KLRG1: variants seen among roughly 807,000 people sequenced by gnomAD.
KLRG1 encodes the protein killer cell lectin-like receptor subfamily G member 1.
Under a neutral mutation model 21.8 loss-of-function variants are expected in KLRG1, and 16 were observed. That is an observed-to-expected ratio of 0.73 (90% confidence interval 0.50 to 1.11). KLRG1 has a LOEUF of 1.11. KLRG1 is among the 50% of genes most tolerant of loss of function. KLRG1 has a pLI of 0.00. For missense variants in KLRG1, 173 were observed against 218.3 expected (o/e 0.79, Z 1.31); for synonymous variants, 69 against 75.9 (o/e 0.91, Z 0.47).
At chr12:9,163,658 A>T in the KLRG1 span, 2 of 1,612,334 alleles carry the variant, frequency 1.2e-6, no homozygotes, top group Non-Finnish European at 1.7e-6. Context: ...GACTCCCAAA[A>T]ATATGTTACC....
chr12:9,115,744 GCT>G, the KLRG1 span: 2 of 1,588,512 alleles, frequency 1.3e-6, no homozygotes, highest in Non-Finnish European at 1.7e-6. Flanking sequence ...CATGCTTCAC[GCT>G]CTCTGTGTGG....
the KLRG1 span, among the ~76,000 whole-genome samples, chr12:9,170,390 G>C: frequency 6.6e-6 from 1 of 152,186 alleles, no homozygotes; most frequent in African/African-American, 2.4e-5. This position sits in a 1 kb window ranked among gnomAD's most constrained non-coding sequence, Gnocchi z 4.6. Context: ...AGAAACCCTG[G>C]AGTTTTACAT....
At chr12:9,150,124 T>G in the KLRG1 span, among the ~76,000 whole-genome samples, 1 of 152,212 alleles carries the variant, frequency 6.6e-6, no homozygotes, top group African/African-American at 2.4e-5. Context: ...CTAATAGTCT[T>G]TCCTGTTATG....
At chr12:8,971,316 T>G (rs1352197261) in intron 1 of KLRG1, 4 of 151,320 alleles carry the variant, frequency 2.6e-5, no homozygotes, top group South Asian at 2.1e-4. Flanking sequence ...TTAAATTCTG[T>G]TTTTTTTCCA....
the KLRG1 span, among the ~76,000 whole-genome samples, chr12:9,016,812 C>A: frequency 1.3e-5 from 2 of 151,906 alleles, no homozygotes; most frequent in African/African-American, 4.8e-5. Context: ...TGGGGTTTCA[C>A]TATGTTGGCC....
chr12:9,112,600 G>C, the KLRG1 span: 1 of 1,570,704 alleles, frequency 6.4e-7, no homozygotes, highest in Non-Finnish European at 8.7e-7. Flanking sequence ...CCTATTTGCT[G>C]TTGCACTCTT....
chr12:9,055,925 A>G, the KLRG1 span, among the ~76,000 whole-genome samples: 1 of 152,224 alleles, frequency 6.6e-6, no homozygotes, highest in Admixed American at 6.5e-5. Flanking sequence ...TTCTGATAAG[A>G]AAATCAGGAA....
the KLRG1 span, chr12:9,036,754 C>A: frequency 2.7e-6 from 1 of 376,306 alleles, no homozygotes; most frequent in South Asian, 2.6e-5. Flanking sequence ...ATAAACCTTG[C>A]TTGTGATGTT....
chr12:9,158,560 G>C, the KLRG1 span: 8 of 1,614,094 alleles, frequency 5.0e-6, no homozygotes, highest in South Asian at 8.8e-5. Context: ...AAAGTCTTCA[G>C]TACAAAAGCT....
intron 1 of KLRG1, among the ~76,000 whole-genome samples, chr12:8,950,486 A>G (rs1015642996): frequency 6.6e-6 from 1 of 152,108 alleles, no homozygotes; most frequent in Non-Finnish European, 1.5e-5. Flanking sequence ...TTCAGATGTT[A>G]TTTTTCCTGT....
chr12:9,199,130 A>T, the KLRG1 span, among the ~76,000 whole-genome samples: 1 of 152,088 alleles, frequency 6.6e-6, no homozygotes, highest in Non-Finnish European at 1.5e-5. Flanking sequence ...CCTAGTGAAA[A>T]CAGTAAGTTC....
the KLRG1 span, chr12:9,070,550 T>C: frequency 6.2e-7 from 1 of 1,613,796 alleles, no homozygotes; most frequent in Non-Finnish European, 8.5e-7. Flanking sequence ...ACGATCGCCA[T>C]GTTGGAGGCA....
At position 8,995,149 on chromosome 12, in the gene KLRG1, C is replaced by T; in HGVS notation, c.218C>T (p.Pro73Leu). The change falls in exon 3 of 5, where the codon CCT becomes CTT. Residue 73 changes from proline to leucine, a missense_variant. Transcript: ENST00000356986. Reference protein sequence around the residue: ...GSNYSTCASCPSCPDRWMKYG... With the variant: ...GSNYSTCASCLSCPDRWMKYG... ...AACTACTCCACTTGTGCCAGCTGTC[C>T]TAGCTGCCCAGACCGCTGGATGAAA... The T allele has an allele frequency of 6.2e-7, 1 of 1,610,778 alleles. No homozygotes were observed. Among genetic ancestry groups the T allele is most frequent in the Non-Finnish European group, 8.5e-7 (1 of 1,178,722 alleles).
At chr12:8,985,379 G>A (rs1278670686), upstream of KLRG1, among the ~76,000 whole-genome samples, 4 of 152,174 alleles carry the variant, frequency 2.6e-5, no homozygotes, top group Non-Finnish European at 4.4e-5. Context: ...GTGACCAAAT[G>A]TGGTAGGGGT....
the KLRG1 span, among the ~76,000 whole-genome samples, chr12:9,196,092 A>G: frequency 6.6e-6 from 1 of 152,180 alleles, no homozygotes; most frequent in Non-Finnish European, 1.5e-5. Context: ...GTCACATTAC[A>G]TTAAGTATCT....
the KLRG1 span, among the ~76,000 whole-genome samples, chr12:9,039,077 A>G: frequency 6.6e-6 from 1 of 152,230 alleles, no homozygotes; most frequent in African/African-American, 2.4e-5. Context: ...CTCTGGTTGG[A>G]GAATAAAGCT....
chr12:9,158,579 A>T, the KLRG1 span: 2 of 1,613,908 alleles, frequency 1.2e-6, no homozygotes, highest in Non-Finnish European at 1.7e-6. Context: ...CTGTGAGCCT[A>T]GGGGGAGGAA....
chr12:9,107,799 A>G, the KLRG1 span, among the ~76,000 whole-genome samples: 1 of 152,198 alleles, frequency 6.6e-6, no homozygotes, highest in Non-Finnish European at 1.5e-5. Flanking sequence ...AAGAGTCACT[A>G]ATGGCTCTTA....
At chr12:9,078,093 G>A in the KLRG1 span, among the ~76,000 whole-genome samples, 6 of 152,056 alleles carry the variant, frequency 3.9e-5, no homozygotes, top group South Asian at 4.2e-4. Context: ...TTTTAGTTCC[G>A]AGATACATGT....
Sources: allele counts gnomAD v4.1 joint callset (sites outside exome capture counted in the v4.1 genomes callset), GRCh38; gene constraint gnomAD v4.1.1; non-coding constraint Gnocchi (gnomAD v3.1); transcripts MANE v1.5; gene names NCBI Gene and HGNC (gene_info 2026-07-23, HGNC 2026-07-21).